MED13L: variants seen among roughly 807,000 people sequenced by gnomAD.
The protein encoded by MED13L is mediator complex subunit 13L.
A neutral mutation model predicts 220.9 loss-of-function variants in MED13L; 7 were observed. The observed-to-expected ratio is 0.03, with a 90% CI of 0.02 to 0.06. The LOEUF (loss-of-function observed/expected upper bound fraction) is 0.06, where lower values mean the gene tolerates loss of function less well. Ranked by LOEUF, MED13L falls within the 10% of genes least tolerant of loss-of-function variation. The pLI is 1.00. For synonymous variants in MED13L, 1,011 were observed against 1,015.2 expected (o/e 1.00, Z 0.08); for missense variants, 1,965 against 2,760.5 (o/e 0.71, Z 6.46).
At chr12:115,982,981 C>G in intron 21 of MED13L, 136 bp downstream of exon 21, 1 of 916,544 alleles carries the variant, frequency 1.1e-6, no homozygotes, top group Non-Finnish European at 1.7e-6. Context: ...CGACCATTGC[C>G]CCTTTCTTTT....
At chr12:116,109,071 TTTTTTTTTTTTTTTTTG>T (rs1315351746) in intron 3 of MED13L, among the ~76,000 whole-genome samples, 1 of 66,892 alleles carries the variant, frequency 1.5e-5, no homozygotes, top group Non-Finnish European at 2.5e-5. Flanking sequence ...TTTTTTTTTT[TTTTTTTTTTTTTTTTTG>T]GAAACAGGGT....
At chr12:116,109,349 A>C (rs1017141228) in intron 3 of MED13L, among the ~76,000 whole-genome samples, 1 of 151,976 alleles carries the variant, frequency 6.6e-6, no homozygotes, top group Non-Finnish European at 1.5e-5. Flanking sequence ...AAAAATTCTG[A>C]ATTCATGAGC....
At chr12:116,062,467 T>C (rs1869578409) in intron 4 of MED13L, among the ~76,000 whole-genome samples, 1 of 148,988 alleles carries the variant, frequency 6.7e-6, no homozygotes, top group Admixed American at 6.7e-5. Flanking sequence ...AATAGAATAG[T>C]GTCTCTCTCT....
At chr12:116,047,633 G>A (rs539127426) in intron 4 of MED13L, among the ~76,000 whole-genome samples, 5 of 152,240 alleles carry the variant, frequency 3.3e-5, no homozygotes, top group Admixed American at 6.5e-5. Flanking sequence ...TGATGATAAC[G>A]GTGTCAGGAA....
At chr12:116,214,563 A>C (rs1175848977) in intron 2 of MED13L, among the ~76,000 whole-genome samples, 2 of 152,180 alleles carry the variant, frequency 1.3e-5, no homozygotes, top group Non-Finnish European at 2.9e-5. Context: ...AATTTGGATA[A>C]AATATATGTA....
At chr12:116,181,694 G>A (rs1335034835) in intron 2 of MED13L, among the ~76,000 whole-genome samples, 2 of 151,772 alleles carry the variant, frequency 1.3e-5, no homozygotes, top group Non-Finnish European at 2.9e-5. Context: ...TAGTAGAGAC[G>A]GGGTTTCATC....
In MED13L at chr12:116,017,692, G is replaced by A. The variant is rs568277379; in HGVS notation, c.1009+1532C>T. Among the ~76,000 whole-genome samples the A allele has an allele frequency of 5.3e-5, 8 of 152,048 alleles. No individual in the cohort carries two copies. In the South Asian group the frequency reaches 6.2e-4, roughly 12 times the overall value. On this transcript the variant is annotated intron_variant, in intron 7 of 30. Transcript: ENST00000281928. Reference sequence around the variant, plus strand: ...GTGCACTGATGCTGTCTTGGCTCACGGCAACCTCCACCTCCAGGGCTCAAG... The same window carrying A: ...GTGCACTGATGCTGTCTTGGCTCACAGCAACCTCCACCTCCAGGGCTCAAG...
intron 2 of MED13L, among the ~76,000 whole-genome samples, chr12:116,211,772 T>C (rs759910958): frequency 1.3e-5 from 2 of 152,176 alleles, no homozygotes; most frequent in South Asian, 4.1e-4. Context: ...CTCTCTACAT[T>C]TGTAAAGCTG....
intron 2 of MED13L, among the ~76,000 whole-genome samples, chr12:116,140,274 G>C (rs774744824): frequency 1.3e-5 from 2 of 152,088 alleles, no homozygotes; most frequent in Admixed American, 1.3e-4. Context: ...TTCCCAATTA[G>C]AGTGTAAGTT....
At chr12:115,972,741 C>T (rs979089797) in intron 25 of MED13L, among the ~76,000 whole-genome samples, 1 of 152,180 alleles carries the variant, frequency 6.6e-6, no homozygotes, top group Non-Finnish European at 1.5e-5. Context: ...CCCAAAAGAG[C>T]TCACAACGAG....
At chr12:116,007,258 T>A in intron 11 of MED13L, 153 bp downstream of exon 11, 2 of 741,654 alleles carry the variant, frequency 2.7e-6, no homozygotes, top group Non-Finnish European at 4.8e-6. Flanking sequence ...CAATACGCTG[T>A]TCAATACAAT....
In MED13L at chr12:115,983,374, C is replaced by T. The variant is rs372602814; in HGVS notation, c.4698G>A (p.Ser1566=). ...PPAGSAFNPT[S]NSSSTNPAAS... Reference sequence around the variant, plus strand: ...CTGCAGGATTTGTAGAACTACTATTCGAGGTGGGATTAAATGCACTGCCAG... The same window carrying T: ...CTGCAGGATTTGTAGAACTACTATTTGAGGTGGGATTAAATGCACTGCCAG... The change falls in exon 21 of 31, where the codon TCG becomes TCA. Residue 1566 remains serine, a synonymous_variant. Coordinates refer to ENST00000281928, the MANE Select transcript of MED13L (RefSeq NM_015335.5). The T allele has an allele frequency of 4.5e-5, 72 of 1,614,024 alleles. No homozygotes were observed. The highest frequency in any genetic ancestry group is 1.3e-4 in the African/African-American group (10 of 74,914).
chr12:115,996,706 G>A, intron 15 of MED13L, 25 bp from the exon 16 acceptor site: 1 of 1,582,828 alleles, frequency 6.3e-7, no homozygotes, highest in Non-Finnish European at 8.7e-7. Flanking sequence ...TGGGGTCAGT[G>A]TTAATATTGG....
At chr12:116,142,453 C>T (rs779467416) in intron 2 of MED13L, among the ~76,000 whole-genome samples, 4 of 152,036 alleles carry the variant, frequency 2.6e-5, no homozygotes, top group African/African-American at 7.2e-5. Flanking sequence ...TCTGGGAGGC[C>T]GAAGCAGGTG....
chr12:116,269,373 G>A (rs371272863), intron 1 of MED13L, among the ~76,000 whole-genome samples: 7 of 142,032 alleles, frequency 4.9e-5, no homozygotes, highest in South Asian at 2.3e-4. Flanking sequence ...TAGGTATTAA[G>A]CCCAGCATCC....
At chr12:116,232,860 G>A (rs75138927) in intron 2 of MED13L, among the ~76,000 whole-genome samples, 2,615 of 152,252 alleles carry the variant, frequency 0.017, 87 homozygotes, top group South Asian at 0.13. Context: ...GCCGAGGCGG[G>A]CGGATCGATT....
chr12:116,238,257 G>A (rs903734854), intron 1 of MED13L, among the ~76,000 whole-genome samples: 2 of 152,172 alleles, frequency 1.3e-5, no homozygotes, highest in South Asian at 4.1e-4. Context: ...AAAGTTATCA[G>A]CAATTTATTC....
At chr12:116,050,158 G>A (rs1868372568) in intron 4 of MED13L, among the ~76,000 whole-genome samples, 1 of 152,140 alleles carries the variant, frequency 6.6e-6, no homozygotes, top group Non-Finnish European at 1.5e-5. Flanking sequence ...GCGACTCCAT[G>A]GAAGTTAAAA....
At chr12:116,185,125 G>A (rs1322692145) in intron 2 of MED13L, among the ~76,000 whole-genome samples, 6 of 151,912 alleles carry the variant, frequency 3.9e-5, no homozygotes, top group Admixed American at 6.6e-5. Context: ...TTCTCAAAGC[G>A]CCTCATTTGA....
Sources: gnomAD v4.1 joint callset for allele counts (sites outside exome capture counted in the v4.1 genomes callset) on GRCh38, gnomAD v4.1.1 for gene constraint, MANE v1.5 for transcripts, NCBI Gene and HGNC (gene_info 2026-07-23, HGNC 2026-07-21) for gene names.